PPA1: variants seen among roughly 807,000 people sequenced by gnomAD.
The protein encoded by PPA1 is inorganic pyrophosphatase 1, also known as inorganic pyrophosphatase.
PPA1 carries 23 observed loss-of-function variants against 41.8 expected under a neutral mutation model. That is an observed-to-expected ratio of 0.55 (90% CI 0.40 to 0.78). The LOEUF is 0.78. Among genes scored for constraint, PPA1 ranks in the 30% least tolerant of loss-of-function variants. The pLI, the probability that PPA1 is intolerant of heterozygous loss-of-function variation, is 0.00. For missense variants in PPA1, 320 were observed against 361.6 expected, an observed-to-expected ratio of 0.89 and a Z score of 0.93; for synonymous variants, 101 against 116.8, an observed-to-expected ratio of 0.86 and a Z score of 0.87.
intron 2 of PPA1, among the ~76,000 whole-genome samples, chr10:70,230,091 T>G (rs1186772220): frequency 6.6e-6 from 1 of 152,172 alleles, no homozygotes; most frequent in Non-Finnish European, 1.5e-5. Flanking sequence ...GTATTTTTTG[T>G]AGAGACAGGG....
rs769743804 is a variant in PPA1, at chr10:70,213,487, C to G, written c.487G>C (p.Asp163His). The G allele has an allele frequency of 8.1e-6, 13 of 1,614,008 alleles. No homozygotes were observed. The highest frequency in any genetic ancestry group is 1.1e-5 in the Non-Finnish European group (13 of 1,179,908). Residue 163 changes from aspartate (D) to histidine (H), a missense_variant, in exon 6 of 11, where the codon GAT (aspartate) becomes CAT (histidine). Transcript: ENST00000373232. ...CCATTATAATTGGCTGCATCAGGAT[C>G]ATCCACATTAATGGCAATGACTTTC... ...DWKVIAINVD[D>H]PDAANYNDIN...
chr10:70,211,218 T>C (rs115809969), intron 6 of PPA1, among the ~76,000 whole-genome samples: 12 of 152,310 alleles, frequency 7.9e-5, no homozygotes, highest in African/African-American at 2.4e-4. Context: ...TGTCACCTGA[T>C]ATAGAAATAA....
chr10:70,221,976 C>T (rs1163559859), intron 2 of PPA1, among the ~76,000 whole-genome samples: 2 of 152,008 alleles, frequency 1.3e-5, no homozygotes, highest in African/African-American at 4.8e-5. Context: ...AGAAAACATC[C>T]TTCAGAAAAT....
intron 5 of PPA1, among the ~76,000 whole-genome samples, 160 bp from the exon 6 acceptor site, chr10:70,213,749 T>G (rs1037891814): frequency 6.6e-6 from 1 of 152,136 alleles, no homozygotes; most frequent in Admixed American, 6.6e-5. Flanking sequence ...GAGTAAATGT[T>G]TCATCAGTCC....
intron 2 of PPA1, among the ~76,000 whole-genome samples, chr10:70,229,589 A>G (rs1840266299): frequency 6.6e-6 from 1 of 151,936 alleles, no homozygotes. Flanking sequence ...TATTAACTCT[A>G]TCTTAACTGT....
chr10:70,228,055 C>T (rs567046002), intron 2 of PPA1, among the ~76,000 whole-genome samples: 11 of 152,224 alleles, frequency 7.2e-5, no homozygotes, highest in African/African-American at 2.6e-4. Flanking sequence ...TCCTTCCAGC[C>T]TCTCAGGCAG....
At chr10:70,221,923 CAT>C (rs1285743911) in intron 2 of PPA1, among the ~76,000 whole-genome samples, 2 of 152,004 alleles carry the variant, frequency 1.3e-5, no homozygotes, top group Non-Finnish European at 2.9e-5. Flanking sequence ...TACCTAATAA[CAT>C]AAATCTACAT....
At chr10:70,231,106 G>A (rs1393829743) in intron 1 of PPA1, among the ~76,000 whole-genome samples, 1 of 152,060 alleles carries the variant, frequency 6.6e-6, no homozygotes, top group Non-Finnish European at 1.5e-5. Flanking sequence ...CTTTCTTTAA[G>A]GATAATCAAG....
intron 2 of PPA1, among the ~76,000 whole-genome samples, chr10:70,220,576 T>C (rs1219283306): frequency 1.8e-5 from 1 of 55,010 alleles, no homozygotes; most frequent in African/African-American, 6.0e-5. Context: ...ATATATAATA[T>C]ATATAATTAT....
chr10:70,223,502 A>C (rs1049825717), intron 2 of PPA1, among the ~76,000 whole-genome samples: 1 of 152,124 alleles, frequency 6.6e-6, no homozygotes, highest in African/African-American at 2.4e-5. Flanking sequence ...CTACAGGTGC[A>C]AGCCATCCTG....
At chr10:70,213,938 T>C (rs1299741270) in intron 5 of PPA1, among the ~76,000 whole-genome samples, 3 of 152,208 alleles carry the variant, frequency 2.0e-5, no homozygotes, top group East Asian at 1.9e-4. Flanking sequence ...ATAAAAGTCA[T>C]GAGTTAAGCA....
rs189471164 is a variant in PPA1, at chr10:70,226,242, T to C, written c.123+4099A>G. On this transcript the variant is annotated intron_variant, in intron 2 of 10. Coordinates refer to ENST00000373232, the MANE Select transcript of PPA1 (RefSeq NM_021129.4). The stretch of plus-strand genomic sequence containing the variant: ...GCTACTACACACTACCATATGTACC[T>C]GTGTAGAGCAATAACTTAATTTGTC... Among the ~76,000 whole-genome samples, 270 of 152,334 alleles carry C rather than the reference T, an allele frequency of 1.8e-3. 1 individual carries two copies. Among genetic ancestry groups the C allele is most frequent in the African/African-American group, 6.3e-3 (262 of 41,586 alleles).
intron 2 of PPA1, among the ~76,000 whole-genome samples, chr10:70,229,793 C>CT (rs1405713192): frequency 1.1e-4 from 16 of 149,760 alleles, no homozygotes; most frequent in East Asian, 3.9e-4. Flanking sequence ...GTAATTTTTT[C>CT]TTTTTTTTTT....
intron 2 of PPA1, among the ~76,000 whole-genome samples, chr10:70,229,344 T>C (rs1411387111): frequency 1.3e-5 from 2 of 152,258 alleles, no homozygotes; most frequent in East Asian, 3.8e-4. Flanking sequence ...TTGCCCAGTC[T>C]GGTCTCAAAC....
chr10:70,220,934 CTATATATATAATTTATATATA>C (rs1840149371), intron 2 of PPA1, among the ~76,000 whole-genome samples: 1 of 12,484 alleles, frequency 8.0e-5, no homozygotes, highest in African/African-American at 2.7e-4. Flanking sequence ...TTTATATATA[CTATATATATAATTTATATATA>C]ATATATATAA....
At chr10:70,233,151 G>A (rs935893428) in intron 1 of PPA1, 113 bp downstream of exon 1, 5 of 1,203,124 alleles carry the variant, frequency 4.2e-6, no homozygotes, top group Non-Finnish European at 5.5e-6. Flanking sequence ...CCGAGGAGAC[G>A]GGCCCGCGTC....
Position 70,233,399 on chromosome 10 carries a change from G to A in PPA1, c.-72C>T, listed in dbSNP as rs866527249. 2 of 1,516,466 alleles carry A rather than the reference G, an allele frequency of 1.3e-6. No homozygotes were observed. Among genetic ancestry groups the A allele is most frequent in the African/African-American group, 2.8e-5 (2 of 70,440 alleles). 93.9% of individuals were successfully genotyped at this position (1,516,466 alleles called of 1,614,324 possible). ...CACGCGGCGCCGACTGACAAGGAGAGAGCCCCACGCCTGCGCACTGCGAGC... is the reference window on the plus strand; with the variant it reads ...CACGCGGCGCCGACTGACAAGGAGAAAGCCCCACGCCTGCGCACTGCGAGC... On this transcript the variant is annotated 5_prime_UTR_variant, in exon 1 of 11. Coordinates refer to ENST00000373232, the MANE Select transcript of PPA1 (RefSeq NM_021129.4).
rs11382289 is a variant in PPA1, at chr10:70,227,650, C to CAAA, written c.123+2688_123+2690dup. Among the ~76,000 whole-genome samples, 146 of 74,944 alleles carry CAAA rather than the reference C, an allele frequency of 1.9e-3. 2 individuals are homozygous for CAAA. The highest frequency in any genetic ancestry group is 0.01 in the Middle Eastern group (1 of 100). 49.2% of individuals were successfully genotyped at this position (74,944 alleles called of 152,430 possible). A position where few individuals can be genotyped will look rare whatever the true frequency, so the allele number is the denominator to read the frequency against. ...TGAGTGACAAAGTGAAACCCTATCT[C>CAAA]AAAAAAAAAAAAAAAAAAAAAAAAA... is the stretch of plus-strand genomic sequence containing the variant. On this transcript the variant is annotated intron_variant, in intron 2 of 10. Coordinates refer to ENST00000373232, the MANE Select transcript of PPA1 (RefSeq NM_021129.4).
Position 70,203,060 on chromosome 10 carries a change from C to G in PPA1, c.*95G>C. 1 of 1,291,536 alleles carries G rather than the reference C, an allele frequency of 7.7e-7. No homozygotes were observed. The highest frequency in any genetic ancestry group is 1.2e-5 in the South Asian group (1 of 82,096). 80.0% of individuals were successfully genotyped at this position (1,291,536 alleles called of 1,614,324 possible). ...ATTTACTTTAGTTAGATGAGTTCTA[C>G]AAATTTAAAGCTTTGAAAAGCTACT... On this transcript the variant is annotated 3_prime_UTR_variant, in exon 11 of 11. Transcript: ENST00000373232.
Sources: gnomAD v4.1 joint callset for allele counts (sites outside exome capture counted in the v4.1 genomes callset) on GRCh38, gnomAD v4.1.1 for gene constraint, MANE v1.5 for transcripts, NCBI Gene and HGNC (gene_info 2026-07-23, HGNC 2026-07-21) for gene names.